The following LRRC4C variants were observed in gnomAD, a reference collection of about 807,000 sequenced individuals.
LRRC4C encodes leucine-rich repeat-containing protein 4C.
Under a neutral mutation model 33.6 loss-of-function variants are expected in LRRC4C, and 5 were observed. The observed-to-expected ratio is 0.15, with a 90% CI of 0.08 to 0.31. LRRC4C has a LOEUF of 0.31. Ranked by LOEUF, LRRC4C falls within the 10% of genes least tolerant of loss-of-function variation. LRRC4C has a pLI of 1.00. For missense variants in LRRC4C, 560 were observed against 796.7 expected (o/e 0.70, Z 3.58); for synonymous variants, 329 against 302.0 (o/e 1.09, Z -0.93).
At chr11:41,134,835 A>G (rs1943184694) in intron 1 of LRRC4C, among the ~76,000 whole-genome samples, 1 of 152,178 alleles carries the variant, frequency 6.6e-6, no homozygotes, top group African/African-American at 2.4e-5. Context: ...GGTGGATACA[A>G]TCCAACTAAT....
chr11:40,347,199 C>T (rs1463710269), intron 3 of LRRC4C, among the ~76,000 whole-genome samples: 1 of 152,220 alleles, frequency 6.6e-6, no homozygotes, highest in African/African-American at 2.4e-5. Flanking sequence ...TAACTTGCTG[C>T]AGCTCCTACA....
At chr11:41,254,706 T>C (rs1241752208) in intron 1 of LRRC4C, among the ~76,000 whole-genome samples, 2 of 152,062 alleles carry the variant, frequency 1.3e-5, no homozygotes, top group Non-Finnish European at 2.9e-5. Context: ...AAACAGCCCC[T>C]GCTGAAACTT....
At chr11:40,983,538 C>T (rs552350393) in intron 1 of LRRC4C, among the ~76,000 whole-genome samples, 65 of 152,192 alleles carry the variant, frequency 4.3e-4, no homozygotes, top group African/African-American at 1.6e-3. Flanking sequence ...ACTAAAGAAA[C>T]TATCAACAGA....
intron 5 of LRRC4C, among the ~76,000 whole-genome samples, chr11:40,167,167 A>C (rs1859663296): frequency 6.6e-6 from 1 of 152,150 alleles, no homozygotes; most frequent in Non-Finnish European, 1.5e-5. Flanking sequence ...GTAGCCTAGA[A>C]TTCTGCAAAT....
intron 5 of LRRC4C, among the ~76,000 whole-genome samples, chr11:40,144,443 C>T (rs950496241): frequency 2.6e-5 from 4 of 152,028 alleles, no homozygotes; most frequent in African/African-American, 9.7e-5. Flanking sequence ...GGTACTTGTC[C>T]CCAGATGTAT....
chr11:40,793,219 T>A (rs977929418), intron 2 of LRRC4C, among the ~76,000 whole-genome samples: 1 of 152,150 alleles, frequency 6.6e-6, no homozygotes, highest in Non-Finnish European at 1.5e-5. Flanking sequence ...GAAAATTATT[T>A]CTCAAAAATA....
intron 2 of LRRC4C, among the ~76,000 whole-genome samples, chr11:40,836,438 A>G: frequency 6.6e-6 from 1 of 152,346 alleles, no homozygotes; most frequent in Admixed American, 6.5e-5. Context: ...AATAATAAAA[A>G]TACATATAGA....
rs185168901 is a variant in LRRC4C at position 40,799,854 on chromosome 11, G to C, written c.-407+133781C>G. Among the ~76,000 whole-genome samples, 34 of 152,280 alleles carry C rather than the reference G, an allele frequency of 2.2e-4. No individual in the cohort carries two copies. The East Asian group carries it at 6.0e-3, about 27-fold the overall frequency. On this transcript the variant is annotated intron_variant, in intron 2 of 6. Transcript: ENST00000528697. Reference sequence around the variant, plus strand: ...TTTTCTCTTTGTAAAAAGATGACAAGTCCTGCACAATTAAGATTTTCAGAA... The same window carrying C: ...TTTTCTCTTTGTAAAAAGATGACAACTCCTGCACAATTAAGATTTTCAGAA...
At chr11:40,198,910 G>A (rs565282357) in intron 5 of LRRC4C, among the ~76,000 whole-genome samples, 1 of 152,296 alleles carries the variant, frequency 6.6e-6, no homozygotes, top group African/African-American at 2.4e-5. Context: ...CCAGAAGGAG[G>A]TGAGAGAGAA....
At chr11:40,232,899 A>G (rs1396507090) in intron 5 of LRRC4C, among the ~76,000 whole-genome samples, 2 of 152,168 alleles carry the variant, frequency 1.3e-5, no homozygotes, top group Admixed American at 6.5e-5. Context: ...CATTCTTCAC[A>G]TGAAGATCTA....
chr11:40,477,948 C>T (rs1296005157), intron 3 of LRRC4C, among the ~76,000 whole-genome samples: 1 of 152,136 alleles, frequency 6.6e-6, no homozygotes, highest in Non-Finnish European at 1.5e-5. Context: ...TCATGACAGT[C>T]AGTAAGTCCC....
intron 2 of LRRC4C, among the ~76,000 whole-genome samples, chr11:40,748,836 T>C (rs1948551469): frequency 6.6e-6 from 1 of 152,068 alleles, no homozygotes; most frequent in Non-Finnish European, 1.5e-5. Context: ...TAGCTATACA[T>C]ATATTGATTA....
chr11:40,336,940 G>C (rs1168507182), intron 3 of LRRC4C, among the ~76,000 whole-genome samples: 1 of 122,988 alleles, frequency 8.1e-6, no homozygotes, highest in South Asian at 2.5e-4. Context: ...TTGCACCACT[G>C]CACTCCAGCC....
intron 3 of LRRC4C, among the ~76,000 whole-genome samples, chr11:40,493,669 C>T (rs116830022): frequency 6.6e-6 from 1 of 152,108 alleles, no homozygotes; most frequent in Admixed American, 6.6e-5. Flanking sequence ...CAAATAGTAA[C>T]AACTATCTAA....
At chr11:40,934,551 A>C (rs1957782892) in intron 1 of LRRC4C, among the ~76,000 whole-genome samples, 1 of 152,146 alleles carries the variant, frequency 6.6e-6, no homozygotes, top group Admixed American at 6.6e-5. Flanking sequence ...CGCTATAATA[A>C]TTTAGCATTT....
At chr11:40,137,086 C>G (rs1359718822) in intron 6 of LRRC4C, among the ~76,000 whole-genome samples, 2 of 152,052 alleles carry the variant, frequency 1.3e-5, no homozygotes, top group Non-Finnish European at 2.9e-5. Context: ...CCAATATGAG[C>G]TCTTTGAAAC....
At chr11:41,240,862 TA>T (rs1254630314) in intron 1 of LRRC4C, among the ~76,000 whole-genome samples, 2 of 151,640 alleles carry the variant, frequency 1.3e-5, no homozygotes, top group African/African-American at 2.4e-5. Context: ...GGTATTACAG[TA>T]AAAAAAATAG....
Position 40,543,765 on chromosome 11 carries a change from A to G in LRRC4C, c.-270+104377T>C, listed in dbSNP as rs186032024. 6.6e-4 allele frequency among the ~76,000 whole-genome samples: 101 copies of G among 152,272 alleles called. 1 individual carries two copies. In the East Asian group the frequency reaches 0.019, roughly 29 times the overall value. Reference sequence around the variant, plus strand: ...AAGCCAGCTTATGGTCTTGGATTTTATGACAAAGATATGACTCTCTCTTAA... The same window carrying G: ...AAGCCAGCTTATGGTCTTGGATTTTGTGACAAAGATATGACTCTCTCTTAA... On this transcript the variant is annotated intron_variant, in intron 3 of 6. Coordinates refer to ENST00000528697, the MANE Select transcript of LRRC4C (RefSeq NM_001258419.2).
chr11:40,121,131 G>A (rs945535673), intron 6 of LRRC4C, among the ~76,000 whole-genome samples: 1 of 152,110 alleles, frequency 6.6e-6, no homozygotes. Flanking sequence ...TTTGTGGTAA[G>A]GATTTCTTGA....
Sources: gnomAD v4.1 joint callset for allele counts (sites outside exome capture counted in the v4.1 genomes callset) on GRCh38, gnomAD v4.1.1 for gene constraint, MANE v1.5 for transcripts, NCBI Gene and HGNC (gene_info 2026-07-23, HGNC 2026-07-21) for gene names.